The following GOLPH3 variants were observed in gnomAD, a reference collection of about 807,000 sequenced individuals.
GOLPH3 encodes golgi phosphoprotein 3.
Under a neutral mutation model 28.5 loss-of-function variants are expected in GOLPH3, and 14 were observed. That is an observed-to-expected ratio of 0.49 (90% CI 0.32 to 0.77). GOLPH3 has a LOEUF of 0.77. Among genes scored for constraint, GOLPH3 ranks in the 30% least tolerant of loss-of-function variants. The probability of loss-of-function intolerance (pLI) is 0.03; values close to 1 mark genes in which losing one functional copy is unlikely to be tolerated. For synonymous variants in GOLPH3, 158 were observed against 159.2 expected (o/e 0.99, Z 0.06); for missense variants, 350 against 393.7 (o/e 0.89, Z 0.94).
At chr5:32,130,443 T>A (rs1745802659) in intron 3 of GOLPH3, among the ~76,000 whole-genome samples, 1 of 152,216 alleles carries the variant, frequency 6.6e-6, no homozygotes, top group Admixed American at 6.5e-5. Flanking sequence ...TTATCCCCTA[T>A]CAACTCTAAT....
In GOLPH3 at chr5:32,136,329, C is replaced by A. The variant is rs190645573; in HGVS notation, c.358-643G>T. Among the ~76,000 whole-genome samples, 451 of 151,052 alleles carry A rather than the reference C, an allele frequency of 3.0e-3. 2 individuals carry two copies. Among genetic ancestry groups the A allele is most frequent in the African/African-American group, 0.011 (441 of 41,122 alleles). Reference sequence around the variant, plus strand: ...ACCCCATCTCTACTAAAAATACAAACAATTAGCTGGGCGTGGTGGCAGGTG... The same window carrying A: ...ACCCCATCTCTACTAAAAATACAAAAAATTAGCTGGGCGTGGTGGCAGGTG... On this transcript the variant is annotated intron_variant, in intron 2 of 3. Coordinates refer to ENST00000265070, the MANE Select transcript of GOLPH3 (RefSeq NM_022130.4).
chr5:32,166,128 A>G (rs1043472677), intron 1 of GOLPH3, among the ~76,000 whole-genome samples: 3 of 152,244 alleles, frequency 2.0e-5, no homozygotes, highest in Admixed American at 6.5e-5. Flanking sequence ...TGTTCACTCC[A>G]ATTTAAGAAC....
intron 3 of GOLPH3, among the ~76,000 whole-genome samples, chr5:32,127,526 T>C (rs1394750129): frequency 6.6e-6 from 1 of 152,230 alleles, no homozygotes; most frequent in African/African-American, 2.4e-5. Context: ...ATTACCCACA[T>C]AGAGCTATTT....
intron 1 of GOLPH3, among the ~76,000 whole-genome samples, chr5:32,151,223 T>C (rs79993733): frequency 0.011 from 1,597 of 152,044 alleles, 33 homozygotes; most frequent in African/African-American, 0.037. Context: ...AGTTGCTTTT[T>C]TTTTTTTTTT....
intron 3 of GOLPH3, 96 bp from the exon 4 acceptor site, chr5:32,126,732 C>A: frequency 2.2e-6 from 2 of 919,912 alleles, no homozygotes; most frequent in Non-Finnish European, 3.3e-6. Flanking sequence ...GATTTTGCCC[C>A]AAGAAAAACA....
intron 1 of GOLPH3, among the ~76,000 whole-genome samples, chr5:32,146,742 A>C (rs1746185725): frequency 6.6e-6 from 1 of 152,212 alleles, no homozygotes; most frequent in South Asian, 2.1e-4. Context: ...AACATTTACA[A>C]CATGGGAAAA....
intron 1 of GOLPH3, among the ~76,000 whole-genome samples, chr5:32,151,783 C>T (rs991011067): frequency 6.6e-6 from 1 of 152,274 alleles, no homozygotes; most frequent in Admixed American, 6.5e-5. Context: ...TTCTGATACA[C>T]AGATCTATGT....
chr5:32,165,340 T>C (rs760866722), intron 1 of GOLPH3, among the ~76,000 whole-genome samples: 3 of 151,976 alleles, frequency 2.0e-5, no homozygotes, highest in Non-Finnish European at 4.4e-5. Flanking sequence ...CCCAGCACTT[T>C]GGGAGGCCAA....
At chr5:32,126,839 A>C (rs756246245) in intron 3 of GOLPH3, among the ~76,000 whole-genome samples, 1 of 152,162 alleles carries the variant, frequency 6.6e-6, no homozygotes, top group Non-Finnish European at 1.5e-5. Context: ...ATCCTCAGCC[A>C]CAGGAGTCAC....
chr5:32,127,191 G>T (rs1745701086), intron 3 of GOLPH3, among the ~76,000 whole-genome samples: 1 of 152,126 alleles, frequency 6.6e-6, no homozygotes, highest in African/African-American at 2.4e-5. Context: ...ATTTCCTTTT[G>T]AGAGAGAAAT....
intron 1 of GOLPH3, among the ~76,000 whole-genome samples, chr5:32,161,066 CAAAAAAAAAA>C (rs34874287): frequency 5.0e-5 from 3 of 60,052 alleles, no homozygotes; most frequent in South Asian, 7.7e-4. Context: ...GACTCCGTCT[CAAAAAAAAAA>C]AAAAAAAAAA....
chr5:32,151,986 TAG>T (rs1234570144), intron 1 of GOLPH3, among the ~76,000 whole-genome samples: 2 of 152,130 alleles, frequency 1.3e-5, no homozygotes, highest in African/African-American at 2.4e-5. Flanking sequence ...GTTTAATGGA[TAG>T]AGTTTCGGTA....
At chr5:32,134,182 C>A (rs926304480) in intron 3 of GOLPH3, among the ~76,000 whole-genome samples, 8 of 152,074 alleles carry the variant, frequency 5.3e-5, no homozygotes, top group African/African-American at 1.9e-4. Context: ...CCAGCCTGAG[C>A]AACACAGCAA....
intron 3 of GOLPH3, among the ~76,000 whole-genome samples, chr5:32,133,508 T>C (rs566019317): frequency 6.6e-6 from 1 of 152,312 alleles, no homozygotes; most frequent in Admixed American, 6.5e-5. Context: ...ATGAGAAAGA[T>C]CCAAAGACTG....
rs1581533106 is a variant in GOLPH3, at chr5:32,124,859, C to T, written c.*1353G>A. On this transcript the variant is annotated 3_prime_UTR_variant, in exon 4 of 4. Coordinates refer to ENST00000265070, the MANE Select transcript of GOLPH3 (RefSeq NM_022130.4). ...GAATGTTAACAACAACAAAAAAAAT[C>T]TCTAAACACCTGAAAGCCCCACTAT... 3.3e-5 allele frequency: 5 copies of T among 152,656 alleles called. 1 individual carries two copies. Among genetic ancestry groups the T allele is most frequent in the Admixed American group, 3.3e-4 (5 of 15,280 alleles). 9.5% of individuals were successfully genotyped at this position (152,656 alleles called of 1,614,324 possible). A position where few individuals can be genotyped will look rare whatever the true frequency, so the allele number is the denominator to read the frequency against.
intron 2 of GOLPH3, among the ~76,000 whole-genome samples, chr5:32,139,051 A>G (rs1464111824): frequency 6.6e-6 from 1 of 152,238 alleles, no homozygotes; most frequent in Non-Finnish European, 1.5e-5. Context: ...CAGGGACACC[A>G]GAGCCTGGGT....
chr5:32,158,133 ACAC>A lies in GOLPH3; in HGVS notation c.226-14256_226-14254del, dbSNP rs1342342404. ...AAATAAATAAATAAATAAATAAAATACACACACACACACACACACACACACACA... is the reference window on the plus strand; with the variant it reads ...AAATAAATAAATAAATAAATAAAATAACACACACACACACACACACACACA... On this transcript the variant is annotated intron_variant, in intron 1 of 3. Coordinates refer to ENST00000265070, the MANE Select transcript of GOLPH3 (RefSeq NM_022130.4). 5.4e-3 allele frequency among the ~76,000 whole-genome samples: 56 copies of A among 10,410 alleles called. 1 individual carries two copies. The highest frequency in any genetic ancestry group is 0.014 in the African/African-American group (52 of 3,754). The allele number at this position is 10,410 out of a possible 152,430, so 6.8% of individuals were successfully genotyped here. A position where few individuals can be genotyped will look rare whatever the true frequency, so the allele number is the denominator to read the frequency against.
intron 1 of GOLPH3, among the ~76,000 whole-genome samples, chr5:32,156,894 C>T (rs948873646): frequency 6.6e-6 from 1 of 152,166 alleles, no homozygotes; most frequent in African/African-American, 2.4e-5. Context: ...GATTAGAGAT[C>T]CTTGGTCTAT....
chr5:32,131,295 G>C (rs1481361604), intron 3 of GOLPH3, among the ~76,000 whole-genome samples: 1 of 152,190 alleles, frequency 6.6e-6, no homozygotes, highest in African/African-American at 2.4e-5. Context: ...AGTGGTCAAA[G>C]TATCTTGGTA....
Sources: gnomAD v4.1 joint callset for allele counts (sites outside exome capture counted in the v4.1 genomes callset) on GRCh38, gnomAD v4.1.1 for gene constraint, MANE v1.5 for transcripts, NCBI Gene and HGNC (gene_info 2026-07-23, HGNC 2026-07-21) for gene names.